CCDC178: variants seen among roughly 807,000 people sequenced by gnomAD.
CCDC178 encodes the protein coiled-coil domain-containing protein 178.
A neutral mutation model predicts 117.4 loss-of-function variants in CCDC178; 126 were observed. That is an observed-to-expected ratio of 1.07 (90% CI 0.93 to 1.24). The LOEUF (loss-of-function observed/expected upper bound fraction) is 1.24, where lower values mean the gene tolerates loss of function less well. Ranked by LOEUF, CCDC178 falls within the 50% of genes most tolerant of loss-of-function variation. The probability of loss-of-function intolerance (pLI) is 0.00; values close to 1 mark genes in which losing one functional copy is unlikely to be tolerated. For synonymous variants in CCDC178, 283 were observed against 313.4 expected (o/e 0.90, Z 1.02); for missense variants, 1,030 against 986.9 (o/e 1.04, Z -0.59).
At chr18:33,095,487 G>A (rs2057528408) in intron 20 of CCDC178, among the ~76,000 whole-genome samples, 1 of 151,902 alleles carries the variant, frequency 6.6e-6, no homozygotes, top group African/African-American at 2.4e-5. Context: ...TATAAGGACT[G>A]AACAAAATCT....
chr18:33,247,550 C>T (rs546976439), intron 14 of CCDC178, among the ~76,000 whole-genome samples: 21 of 151,962 alleles, frequency 1.4e-4, no homozygotes, highest in African/African-American at 5.1e-4. Flanking sequence ...AAGGTATTTA[C>T]TCAAATAACA....
intron 10 of CCDC178, among the ~76,000 whole-genome samples, chr18:33,330,458 G>A (rs2062652701): frequency 6.6e-6 from 1 of 152,166 alleles, no homozygotes; most frequent in African/African-American, 2.4e-5. Context: ...GGAATAGTTA[G>A]AAGGTCACCA....
chr18:33,260,093 G>C (rs1279655560), intron 14 of CCDC178, among the ~76,000 whole-genome samples: 1 of 151,750 alleles, frequency 6.6e-6, no homozygotes, highest in Non-Finnish European at 1.5e-5. Flanking sequence ...AGAATCCCAG[G>C]AGTGTGCTCT....
intron 22 of CCDC178, among the ~76,000 whole-genome samples, chr18:32,973,935 A>G (rs2054981325): frequency 6.6e-6 from 1 of 152,184 alleles, no homozygotes; most frequent in Non-Finnish European, 1.5e-5. Flanking sequence ...GTAATATTTA[A>G]GAATTGTCTT....
intron 12 of CCDC178, among the ~76,000 whole-genome samples, chr18:33,286,638 C>T (rs2060101696): frequency 6.6e-6 from 1 of 151,972 alleles, no homozygotes; most frequent in African/African-American, 2.4e-5. Flanking sequence ...AATTAGATTT[C>T]TATGAAAAAC....
chr18:32,960,925 A>G (rs1755367695), intron 22 of CCDC178, among the ~76,000 whole-genome samples: 1 of 152,174 alleles, frequency 6.6e-6, no homozygotes, highest in Non-Finnish European at 1.5e-5. Context: ...TTATTCATTT[A>G]TAATAATTCC....
At chr18:32,984,941 T>G (rs955235261) in intron 21 of CCDC178, among the ~76,000 whole-genome samples, 1 of 151,944 alleles carries the variant, frequency 6.6e-6, no homozygotes, top group Non-Finnish European at 1.5e-5. Flanking sequence ...GTTGGCACTT[T>G]CGGTTTTCAT....
chr18:33,031,022 T>C lies in CCDC178; in HGVS notation c.2389-56341A>G, dbSNP rs142624191. Among the ~76,000 whole-genome samples, 317 of 152,204 alleles carry C rather than the reference T, an allele frequency of 2.1e-3. 1 individual carries two copies. The highest frequency in any genetic ancestry group is 7.1e-3 in the African/African-American group (297 of 41,548). Reference sequence around the variant, plus strand: ...GTCAGTTGGGGGCATTGGTGTTAAGTCCTGGAGTCCAAAACCTGGAAATCC... The same window carrying C: ...GTCAGTTGGGGGCATTGGTGTTAAGCCCTGGAGTCCAAAACCTGGAAATCC... On this transcript the variant is annotated intron_variant, in intron 21 of 22. Transcript: ENST00000383096.
intron 20 of CCDC178, among the ~76,000 whole-genome samples, chr18:33,129,671 GATTTC>G (rs768999714): frequency 2.0e-5 from 3 of 151,776 alleles, no homozygotes; most frequent in Admixed American, 6.6e-5. Context: ...AAAGAATTTG[GATTTC>G]ATTTCATCAA....
At chr18:33,399,478 C>T (rs917361639) in intron 3 of CCDC178, among the ~76,000 whole-genome samples, 1 of 152,194 alleles carries the variant, frequency 6.6e-6, no homozygotes, top group Non-Finnish European at 1.5e-5. Context: ...CTCTCAAACC[C>T]TGTTGTTAAT....
chr18:33,417,915 C>A (rs2063968899), intron 2 of CCDC178, among the ~76,000 whole-genome samples: 1 of 152,148 alleles, frequency 6.6e-6, no homozygotes, highest in African/African-American at 2.4e-5. Context: ...ACCAGACATA[C>A]AAAGAAGAGC....
chr18:32,960,547 T>C (rs151227166), intron 22 of CCDC178, among the ~76,000 whole-genome samples: 146 of 152,302 alleles, frequency 9.6e-4, no homozygotes, highest in African/African-American at 3.2e-3. Flanking sequence ...AGGATACGTC[T>C]AGGTGCTAGT....
intron 20 of CCDC178, among the ~76,000 whole-genome samples, chr18:33,133,459 C>T (rs1204165278): frequency 1.3e-5 from 2 of 151,896 alleles, no homozygotes; most frequent in East Asian, 3.9e-4. Context: ...CTACTGTAAA[C>T]ATATTTATCC....
chr18:33,037,110 A>G (rs771099440), intron 21 of CCDC178, among the ~76,000 whole-genome samples: 3 of 151,916 alleles, frequency 2.0e-5, no homozygotes, highest in Non-Finnish European at 4.4e-5. Flanking sequence ...CCACACATAT[A>G]AGCATCGACT....
chr18:33,219,091 A>G (rs2144612870), intron 18 of CCDC178, among the ~76,000 whole-genome samples: 1 of 152,264 alleles, frequency 6.6e-6, no homozygotes, highest in East Asian at 1.9e-4. Flanking sequence ...TCAACATGGA[A>G]TGTTCTTCCA....
At chr18:33,226,230 T>TATA (rs776936151) in intron 16 of CCDC178, among the ~76,000 whole-genome samples, 30 of 152,180 alleles carry the variant, frequency 2.0e-4, no homozygotes, top group Middle Eastern at 3.2e-3. Context: ...TTTTTTTTCT[T>TATA]ATAATAATAA....
chr18:33,011,772 A>G (rs1354812921), intron 21 of CCDC178, among the ~76,000 whole-genome samples: 1 of 89,022 alleles, frequency 1.1e-5, no homozygotes, highest in African/African-American at 5.5e-5. Flanking sequence ...GAATGCAAAA[A>G]AAAAAAAAAA....
intron 20 of CCDC178, among the ~76,000 whole-genome samples, chr18:33,145,485 A>G (rs2058257091): frequency 6.6e-6 from 1 of 152,150 alleles, no homozygotes; most frequent in African/African-American, 2.4e-5. Flanking sequence ...GTACACTTGA[A>G]ATGTTATCTA....
In CCDC178 at chr18:33,100,894, C is replaced by T. The variant is rs1029698718; in HGVS notation, c.2239-7984G>A. ...TCAAATAATTTGATATAACTGATTA[C>T]AGAAATAAATTATGTAATAAGAAAA... On this transcript the variant is annotated intron_variant, in intron 20 of 22. Transcript: ENST00000383096. 6.6e-5 allele frequency among the ~76,000 whole-genome samples: 10 copies of T among 151,996 alleles called. No homozygotes were observed. The Middle Eastern group carries it at 0.01, about 155-fold the overall frequency.
Sources: gnomAD v4.1 joint callset for allele counts (sites outside exome capture counted in the v4.1 genomes callset) on GRCh38, gnomAD v4.1.1 for gene constraint, MANE v1.5 for transcripts, NCBI Gene and HGNC (gene_info 2026-07-23, HGNC 2026-07-21) for gene names.